CDIN1: variants seen among roughly 807,000 people sequenced by gnomAD.
The protein encoded by CDIN1 is CDAN1-interacting nuclease 1.
Under a neutral mutation model 45.3 loss-of-function variants are expected in CDIN1, and 33 were observed. That is an observed-to-expected ratio of 0.73 (90% CI 0.55 to 0.97). The LOEUF (loss-of-function observed/expected upper bound fraction) is 0.97. CDIN1 is among the 50% of genes least tolerant of loss of function. CDIN1 has a pLI of 0.00. For synonymous variants in CDIN1, 118 were observed against 124.4 expected, an observed-to-expected ratio of 0.95 and a Z score of 0.34; for missense variants, 303 against 339.4, an observed-to-expected ratio of 0.89 and a Z score of 0.84.
intron 5 of CDIN1, among the ~76,000 whole-genome samples, chr15:36,658,966 A>G (rs145542542): frequency 2.0e-5 from 3 of 152,336 alleles, no homozygotes; most frequent in Non-Finnish European, 4.4e-5. Flanking sequence ...GTGATGCTTC[A>G]TGAGCAAATC....
intron 7 of CDIN1, among the ~76,000 whole-genome samples, chr15:36,695,730 C>T (rs2042399596): frequency 1.3e-5 from 2 of 151,970 alleles, no homozygotes; most frequent in Admixed American, 1.3e-4. Context: ...ACCTGTAATT[C>T]CAGCTACTCT....
chr15:36,693,182 A>G (rs2042312157), intron 7 of CDIN1, among the ~76,000 whole-genome samples: 1 of 152,216 alleles, frequency 6.6e-6, no homozygotes, highest in Admixed American at 6.5e-5. Context: ...CATTTTTAAT[A>G]AGAAAATCAT....
chr15:36,774,131 G>A (rs1408970522), intron 10 of CDIN1, among the ~76,000 whole-genome samples: 2 of 107,932 alleles, frequency 1.9e-5, no homozygotes, highest in Non-Finnish European at 3.5e-5. Flanking sequence ...GTAACTGACA[G>A]GGGTGTGTGT....
At chr15:36,792,550 T>C (rs2054671266) in intron 10 of CDIN1, among the ~76,000 whole-genome samples, 1 of 151,792 alleles carries the variant, frequency 6.6e-6, no homozygotes, top group Admixed American at 6.6e-5. Context: ...CAGTATAGTT[T>C]TCAATTTTTT....
intron 1 of CDIN1, among the ~76,000 whole-genome samples, chr15:36,604,757 A>G (rs2038282132): frequency 6.6e-6 from 1 of 152,168 alleles, no homozygotes; most frequent in South Asian, 2.1e-4. Context: ...CTAAGCATAT[A>G]TGATGATATT....
chr15:36,705,966 A>C (rs2042848659), intron 8 of CDIN1: 2 of 152,090 alleles, frequency 1.3e-5, no homozygotes, highest in Admixed American at 6.6e-5. Context: ...CTTTGTTCTT[A>C]ATCTTTATCA....
intron 1 of CDIN1, among the ~76,000 whole-genome samples, chr15:36,643,223 T>C (rs2040181519): frequency 6.6e-6 from 1 of 152,214 alleles, no homozygotes; most frequent in African/African-American, 2.4e-5. Context: ...TCTTGTAATT[T>C]GGTAAGGGTG....
chr15:36,606,910 G>A (rs188619002), intron 1 of CDIN1, among the ~76,000 whole-genome samples: 1 of 152,110 alleles, frequency 6.6e-6, no homozygotes, highest in African/African-American at 2.4e-5. Flanking sequence ...GTTGCCACCT[G>A]TCTAGGGATT....
At chr15:36,784,165 TC>T (rs747765916) in intron 10 of CDIN1, among the ~76,000 whole-genome samples, 5 of 152,198 alleles carry the variant, frequency 3.3e-5, no homozygotes, top group African/African-American at 4.8e-5. Flanking sequence ...ATTGTCTCAA[TC>T]CTATGATTTT....
intron 5 of CDIN1, among the ~76,000 whole-genome samples, chr15:36,690,427 C>G (rs899039310): frequency 1.3e-5 from 2 of 151,970 alleles, no homozygotes; most frequent in East Asian, 3.9e-4. Flanking sequence ...CACCACCACA[C>G]CCTGCTAATT....
Position 36,688,313 on chromosome 15 carries a change from C to T in CDIN1, c.347-3372C>T, listed in dbSNP as rs141236709. 2.8e-4 allele frequency among the ~76,000 whole-genome samples: 43 copies of T among 151,478 alleles called. No homozygotes were observed. In the East Asian group the frequency reaches 5.0e-3, roughly 18 times the overall value. On this transcript the variant is annotated intron_variant, in intron 5 of 10. Transcript: ENST00000566621. ...CTATCTAAAGCAAATTTATTGCAGA[C>T]GTAGAAGTTAGGTCAGGGTGGTGAG...
At chr15:36,698,081 A>G (rs2045013) in intron 8 of CDIN1, among the ~76,000 whole-genome samples, 13,197 of 152,222 alleles carry the variant, frequency 0.087, 684 homozygotes, top group Non-Finnish European at 0.12. Context: ...TATTATACAG[A>G]TCTGTTTTAT....
At chr15:36,701,968 CT>C in intron 8 of CDIN1, 1 of 692,198 alleles carries the variant, frequency 1.4e-6, no homozygotes, top group Non-Finnish European at 2.6e-6. Context: ...CAATAATACT[CT>C]GCTGGGGAGG....
chr15:36,771,425 G>A (rs575007994), intron 10 of CDIN1, among the ~76,000 whole-genome samples: 1 of 152,154 alleles, frequency 6.6e-6, no homozygotes, highest in Non-Finnish European at 1.5e-5. Flanking sequence ...ACTGATAGCT[G>A]GTCCTACCCT....
Position 36,638,671 on chromosome 15 carries a change from A to G in CDIN1, c.102-5607A>G, listed in dbSNP as rs191362725. Among the ~76,000 whole-genome samples, 386 of 152,332 alleles carry G rather than the reference A, an allele frequency of 2.5e-3. 5 individuals carry two copies. The highest frequency in any genetic ancestry group is 0.023 in the Admixed American group (358 of 15,294). On this transcript the variant is annotated intron_variant, in intron 1 of 10. Coordinates refer to ENST00000566621, the MANE Select transcript of CDIN1 (RefSeq NM_001321759.2). Reference sequence around the variant, plus strand: ...TTATCTTTAAAAACATAAAAGAACAACATTTTTTATGAAGTTAAAGAAAAA... The same window carrying G: ...TTATCTTTAAAAACATAAAAGAACAGCATTTTTTATGAAGTTAAAGAAAAA...
At chr15:36,681,015 A>C (rs955267888) in intron 5 of CDIN1, among the ~76,000 whole-genome samples, 1 of 152,168 alleles carries the variant, frequency 6.6e-6, no homozygotes, top group Non-Finnish European at 1.5e-5. Context: ...GAGGAGACCA[A>C]TTACCATGGA....
chr15:36,609,770 G>A (rs2140268067), intron 1 of CDIN1, among the ~76,000 whole-genome samples: 1 of 152,292 alleles, frequency 6.6e-6, no homozygotes, highest in South Asian at 2.1e-4. Flanking sequence ...CCCTGGGCAA[G>A]TCACTTACTG....
intron 1 of CDIN1, among the ~76,000 whole-genome samples, chr15:36,637,493 A>G (rs1301820808): frequency 6.6e-6 from 1 of 152,216 alleles, no homozygotes; most frequent in Non-Finnish European, 1.5e-5. Context: ...ATGTACAGCA[A>G]TGGGAACTCT....
chr15:36,728,620 A>G (rs762758964), intron 10 of CDIN1, among the ~76,000 whole-genome samples: 11 of 151,890 alleles, frequency 7.2e-5, no homozygotes, highest in Middle Eastern at 3.4e-3. Flanking sequence ...ATGAATGCTA[A>G]AATTACCAGA....
Sources: allele counts gnomAD v4.1 joint callset (sites outside exome capture counted in the v4.1 genomes callset), GRCh38; gene constraint gnomAD v4.1.1; transcripts MANE v1.5; gene names NCBI Gene and HGNC (gene_info 2026-07-23, HGNC 2026-07-21).